ZNF536: variants seen among roughly 807,000 people sequenced by gnomAD.
ZNF536 encodes the protein zinc finger protein 536.
Under a neutral mutation model 84.5 loss-of-function variants are expected in ZNF536, and 13 were observed. The observed-to-expected ratio is 0.15, with a 90% CI of 0.10 to 0.24. ZNF536 has a LOEUF of 0.24. Among genes scored for constraint, ZNF536 ranks in the 10% least tolerant of loss-of-function variants. The probability of loss-of-function intolerance (pLI) is 1.00; values close to 1 mark genes in which losing one functional copy is unlikely to be tolerated. For synonymous variants in ZNF536, 811 were observed against 742.5 expected (o/e 1.09, Z -1.50); for missense variants, 1,536 against 1,747.5 (o/e 0.88, Z 2.16).
At chr19:30,322,232 A>G (rs1333728654) in intron 2 of ZNF536, among the ~76,000 whole-genome samples, 1 of 152,206 alleles carries the variant, frequency 6.6e-6, no homozygotes, top group Non-Finnish European at 1.5e-5. Context: ...TTTTCATTGA[A>G]TAGATGTGCC....
At chr19:30,602,835 C>A (rs777586985) in intron 1 of ZNF536, among the ~76,000 whole-genome samples, 1 of 152,134 alleles carries the variant, frequency 6.6e-6, no homozygotes, top group Non-Finnish European at 1.5e-5. Context: ...AGGGAGCAAG[C>A]GGCTGGCTGG....
chr19:30,687,219 T>TA (rs2051225795), intron 1 of ZNF536, among the ~76,000 whole-genome samples: 1 of 152,232 alleles, frequency 6.6e-6, no homozygotes, highest in African/African-American at 2.4e-5. Flanking sequence ...TTGGCAAATC[T>TA]AGCCCATCTT....
At chr19:30,245,568 C>T (rs1023744947) in intron 1 of ZNF536, among the ~76,000 whole-genome samples, 9 of 152,232 alleles carry the variant, frequency 5.9e-5, no homozygotes, top group African/African-American at 1.7e-4. Flanking sequence ...CATGACGCAT[C>T]CTTTGTTCCA....
intron 1 of ZNF536, among the ~76,000 whole-genome samples, chr19:30,564,768 C>A (rs573928593): frequency 7.2e-5 from 11 of 152,218 alleles, no homozygotes; most frequent in African/African-American, 2.7e-4. Context: ...CAGATGTTGT[C>A]TGTGGGAACT....
chr19:30,445,346 C>G lies in ZNF536; in HGVS notation c.1784C>G (p.Pro595Arg), dbSNP rs2148221127. 1 of 1,614,190 alleles carries G rather than the reference C, an allele frequency of 6.2e-7. No homozygotes were observed. Among genetic ancestry groups the G allele is most frequent in the Non-Finnish European group, 8.5e-7 (1 of 1,180,036 alleles). ...AAAGTGGGCAGCCAGAGAGACCTGC[C>G]AAGTAAGCTCGACCCTTTAGAAAGC... ...STKVGSQRDL[P>R]SKLDPLESSR... The change falls in exon 2 of 5, where the codon CCA (proline) becomes CGA (arginine). Residue 595 changes from proline to arginine, a missense_variant. This residue lies in a region of ZNF536 where 366 missense variants were observed against 364.4 expected (regional missense o/e 1.00). Transcript: ENST00000355537. This position sits in a 1 kb window ranked among gnomAD's most constrained non-coding sequence, Gnocchi z 4.5.
chr19:30,398,077 G>A (rs1054056361), intron 1 of ZNF536, among the ~76,000 whole-genome samples: 2 of 152,164 alleles, frequency 1.3e-5, no homozygotes, highest in Non-Finnish European at 2.9e-5. Flanking sequence ...TTTCCCCATT[G>A]CTTGCATCTT....
intron 1 of ZNF536, among the ~76,000 whole-genome samples, chr19:30,629,531 C>T (rs1025347547): frequency 2.6e-5 from 4 of 152,182 alleles, no homozygotes; most frequent in Admixed American, 6.5e-5. Flanking sequence ...AACGGTGCAA[C>T]GAAGTGGACG....
intron 1 of ZNF536, among the ~76,000 whole-genome samples, chr19:30,606,250 AAT>A (rs1568597030): frequency 8.9e-4 from 53 of 59,320 alleles, no homozygotes; most frequent in African/African-American, 1.7e-3. Context: ...AATAAAATAA[AAT>A]AAATAAAATA....
chr19:30,535,343 G>A (rs1029201643), intron 3 of ZNF536, among the ~76,000 whole-genome samples: 1 of 152,150 alleles, frequency 6.6e-6, no homozygotes, highest in Non-Finnish European at 1.5e-5. Flanking sequence ...TGAACCAGGA[G>A]TCTCCCAGGT....
intron 1 of ZNF536, among the ~76,000 whole-genome samples, chr19:30,375,062 G>A (rs2048759350): frequency 6.6e-6 from 1 of 151,820 alleles, no homozygotes; most frequent in Non-Finnish European, 1.5e-5. Flanking sequence ...ATTAATAATC[G>A]TTACCAAAGA....
At chr19:30,528,460 G>A (rs1468726118) in intron 2 of ZNF536, among the ~76,000 whole-genome samples, 1 of 152,156 alleles carries the variant, frequency 6.6e-6, no homozygotes, top group African/African-American at 2.4e-5. Flanking sequence ...TATAAACCCA[G>A]AAGACTTCAC....
At chr19:30,406,371 A>G (rs113305103) in intron 1 of ZNF536, among the ~76,000 whole-genome samples, 1,536 of 152,106 alleles carry the variant, frequency 0.01, 31 homozygotes, top group African/African-American at 0.035. Flanking sequence ...AAGAATCTTA[A>G]TTTGCCATGG....
rs781063881 is a variant in ZNF536, at chr19:30,444,271, G to T, written c.709G>T (p.Ala237Ser). ...GCACGCCCAGCAGGCCCCGCTGGCC[G>T]CCTGCACCCTGGCCCTGCAGGCTAA... ...PPHAQQAPLA[A>S]CTLALQANHS... Residue 237 changes from alanine (A) to serine (S), a missense_variant, in exon 2 of 5, where the codon GCC becomes TCC. This residue lies in a region of ZNF536 where 138 missense variants were observed against 136.8 expected (regional missense o/e 1.01). Coordinates refer to ENST00000355537, the MANE Select transcript of ZNF536 (RefSeq NM_014717.3). 3.8e-6 allele frequency: 6 copies of T among 1,559,148 alleles called. No individual in the cohort carries two copies. The highest frequency in any genetic ancestry group is 2.6e-6 in the Non-Finnish European group (3 of 1,160,132).
rs1418311162 is a variant in ZNF536 at position 30,664,203 on chromosome 19, TTTCTCTCTCTCTCTC to T, written c.170-46552_170-46538del. ...CTATCTAGAGGAATTCTTGCTGAGT[TTTCTCTCTCTCTCTC>T]TCTCTCTCTCTCTCTCTCTCTCTCT... On this transcript the variant is annotated intron_variant, in intron 1 of 1. Transcript: ENST00000592773. 1.2e-3 allele frequency among the ~76,000 whole-genome samples: 106 copies of T among 88,730 alleles called. 1 individual carries two copies. Among genetic ancestry groups the T allele is most frequent in the Admixed American group, 2.4e-3 (24 of 9,880 alleles). The allele number at this position is 88,730 out of a possible 152,430, so 58.2% of individuals were successfully genotyped here. A position where few individuals can be genotyped will look rare whatever the true frequency, so the allele number is the denominator to read the frequency against.
chr19:30,627,925 G>A (rs1316500176), intron 1 of ZNF536, among the ~76,000 whole-genome samples: 2 of 152,170 alleles, frequency 1.3e-5, no homozygotes, highest in African/African-American at 2.4e-5. Flanking sequence ...CCAGGGCTGG[G>A]TGGCTCCGGC....
intron 2 of ZNF536, among the ~76,000 whole-genome samples, chr19:30,477,872 C>T (rs1035436584): frequency 1.3e-5 from 2 of 152,166 alleles, no homozygotes; most frequent in Non-Finnish European, 2.9e-5. Context: ...TAAGTGACCT[C>T]GGTGAGGGAA....
At chr19:30,270,027 G>C (rs2025739226) in intron 1 of ZNF536, among the ~76,000 whole-genome samples, 1 of 152,150 alleles carries the variant, frequency 6.6e-6, no homozygotes. Context: ...GATTTGAAAA[G>C]TCATTTAAAA....
intron 2 of ZNF536, among the ~76,000 whole-genome samples, chr19:30,317,060 T>C (rs1372076138): frequency 6.6e-6 from 1 of 152,188 alleles, no homozygotes; most frequent in Non-Finnish European, 1.5e-5. Flanking sequence ...CCCTCATTAT[T>C]CTTAAGGTGC....
At chr19:30,498,400 G>C (rs1001776876) in intron 2 of ZNF536, among the ~76,000 whole-genome samples, 9 of 152,074 alleles carry the variant, frequency 5.9e-5, no homozygotes, top group African/African-American at 2.2e-4. Flanking sequence ...AGAACACATG[G>C]ACACAGGGAG....
Sources: gnomAD v4.1 joint callset for allele counts (sites outside exome capture counted in the v4.1 genomes callset) on GRCh38, gnomAD v4.1.1 for gene constraint, gnomAD v4.1.1 regional missense constraint, Gnocchi (gnomAD v3.1) non-coding constraint, MANE v1.5 for transcripts, NCBI Gene and HGNC (gene_info 2026-07-23, HGNC 2026-07-21) for gene names.